The following SPAG6 variants were observed in gnomAD, a reference collection of about 807,000 sequenced individuals.
SPAG6 encodes the protein sperm-associated antigen 6.
SPAG6 carries 49 observed loss-of-function variants against 58.5 expected under a neutral mutation model. The observed-to-expected ratio is 0.84, with a 90% CI of 0.67 to 1.06. The LOEUF (loss-of-function observed/expected upper bound fraction) is 1.06, where lower values mean the gene tolerates loss of function less well. Ranked by LOEUF, SPAG6 falls within the 50% of genes least tolerant of loss-of-function variation. The pLI is 0.00. For missense variants in SPAG6, 560 were observed against 611.3 expected (o/e 0.92, Z 0.89); for synonymous variants, 233 against 225.6 (o/e 1.03, Z -0.29).
intron 4 of SPAG6, among the ~76,000 whole-genome samples, chr10:22,378,378 C>T (rs921705050): frequency 4.7e-5 from 7 of 148,806 alleles, no homozygotes; most frequent in Non-Finnish European, 7.4e-5. Context: ...GTACAGATTT[C>T]TTACATGCAT....
chr10:22,405,906 T>C (rs1486821297), intron 9 of SPAG6, among the ~76,000 whole-genome samples: 1 of 152,226 alleles, frequency 6.6e-6, no homozygotes, highest in African/African-American at 2.4e-5. Context: ...TTCTTCTAGA[T>C]TTTCTAGTTT....
chr10:22,348,129 T>C (rs1265557135), intron 2 of SPAG6, among the ~76,000 whole-genome samples: 2 of 152,156 alleles, frequency 1.3e-5, no homozygotes, highest in African/African-American at 4.8e-5. Flanking sequence ...TAGCTGAGAC[T>C]ACAGGTGTGC....
chr10:22,350,678 T>C (rs189666325), intron 2 of SPAG6, among the ~76,000 whole-genome samples: 37 of 152,350 alleles, frequency 2.4e-4, no homozygotes, highest in African/African-American at 7.5e-4. Flanking sequence ...TTTATGGCTC[T>C]GTTTTGGTGT....
intron 2 of SPAG6, among the ~76,000 whole-genome samples, chr10:22,346,703 T>C (rs1047805520): frequency 6.6e-6 from 1 of 152,140 alleles, no homozygotes; most frequent in African/African-American, 2.4e-5. Flanking sequence ...AATACTTAAG[T>C]GTAATGATTA....
chr10:22,388,057 C>A, intron 6 of SPAG6, 61 bp downstream of exon 6: 1 of 1,387,002 alleles, frequency 7.2e-7, no homozygotes, highest in Non-Finnish European at 9.8e-7. Context: ...TTAAATAAAA[C>A]ATCAATTTGT....
intron 8 of SPAG6, among the ~76,000 whole-genome samples, chr10:22,400,038 C>G (rs1307952179): frequency 1.3e-5 from 2 of 152,136 alleles, no homozygotes; most frequent in African/African-American, 4.8e-5. Flanking sequence ...CCTGGGTCTC[C>G]AGGAAACCTT....
At chr10:22,386,103 G>A (rs1322202053) in intron 4 of SPAG6, among the ~76,000 whole-genome samples, 1 of 152,104 alleles carries the variant, frequency 6.6e-6, no homozygotes, top group African/African-American at 2.4e-5. Context: ...CTTGATTTCT[G>A]ACAAGAGTAA....
At chr10:22,396,336 C>A (rs1834292288) in intron 8 of SPAG6, among the ~76,000 whole-genome samples, 1 of 152,134 alleles carries the variant, frequency 6.6e-6, no homozygotes, top group Admixed American at 6.6e-5. Context: ...ATGGTTTTAT[C>A]AGGGGTTTCC....
intron 4 of SPAG6, among the ~76,000 whole-genome samples, chr10:22,384,961 A>G (rs1834034933): frequency 6.6e-6 from 1 of 152,114 alleles, no homozygotes; most frequent in African/African-American, 2.4e-5. Flanking sequence ...GTAGTTTGCT[A>G]CATATTCTTT....
In SPAG6 at chr10:22,416,693, A is replaced by G; in HGVS notation, c.*5A>G. The G allele has an allele frequency of 2.5e-6, 4 of 1,574,764 alleles. No homozygotes were observed. Among genetic ancestry groups the G allele is most frequent in the Non-Finnish European group, 3.5e-6 (4 of 1,145,116 alleles). On this transcript the variant is annotated 3_prime_UTR_variant, in exon 11 of 11. Transcript: ENST00000376624. Reference sequence around the variant, plus strand: ...TATCAACCACTTAATAACTGAGCAAAGTTATATTGTGATACTCAAATTCAC... The same window carrying G: ...TATCAACCACTTAATAACTGAGCAAGGTTATATTGTGATACTCAAATTCAC...
At chr10:22,397,374 G>C (rs1265743657) in intron 8 of SPAG6, among the ~76,000 whole-genome samples, 1 of 152,158 alleles carries the variant, frequency 6.6e-6, no homozygotes, top group Non-Finnish European at 1.5e-5. Context: ...TTGCAGTGGT[G>C]CAATCTCAGC....
At chr10:22,404,798 C>A (rs1271970329) in intron 9 of SPAG6, among the ~76,000 whole-genome samples, 2 of 151,576 alleles carry the variant, frequency 1.3e-5, no homozygotes, top group East Asian at 3.9e-4. Context: ...TGTTTGTATC[C>A]TCTTTTATTT....
intron 9 of SPAG6, among the ~76,000 whole-genome samples, chr10:22,401,862 G>A (rs1429206378): frequency 1.3e-5 from 2 of 152,190 alleles, no homozygotes; most frequent in Non-Finnish European, 2.9e-5. Flanking sequence ...AATAGCAAAG[G>A]ATAAAAGAGA....
At position 22,345,716 on chromosome 10, in the gene SPAG6, C is replaced by G; in HGVS notation, c.26-7C>G. 1 of 1,609,782 alleles carries G rather than the reference C, an allele frequency of 6.2e-7. No individual in the cohort carries two copies. The highest frequency in any genetic ancestry group is 1.1e-5 in the South Asian group (1 of 90,258). Reference sequence around the variant, plus strand: ...GCGGTGGGCTCCACCGACTCTCTCTCCCGCAGTGTTCGAGCAATACCAGAA... The same window carrying G: ...GCGGTGGGCTCCACCGACTCTCTCTGCCGCAGTGTTCGAGCAATACCAGAA... On this transcript the variant is annotated splice_region_variant and splice_polypyrimidine_tract_variant and intron_variant, in intron 1 of 10. Transcript: ENST00000376624. This position sits in a 1 kb window ranked among gnomAD's most constrained non-coding sequence, Gnocchi z 6.3.
chr10:22,389,962 C>T (rs757311132), intron 7 of SPAG6, among the ~76,000 whole-genome samples: 3 of 152,054 alleles, frequency 2.0e-5, no homozygotes, highest in African/African-American at 4.8e-5. Flanking sequence ...GATCTCTGGA[C>T]GAATGCTTCA....
chr10:22,345,705 C>G lies in SPAG6; in HGVS notation c.26-18C>G. On this transcript the variant is annotated intron_variant, in intron 1 of 10. Coordinates refer to ENST00000376624, the MANE Select transcript of SPAG6 (RefSeq NM_012443.4). The surrounding 1 kb of genome is among the most constrained non-coding windows in gnomAD (Gnocchi z 6.3). ...GAGACCCGGGTGCGGTGGGCTCCAC[C>G]GACTCTCTCTCCCGCAGTGTTCGAG... 3.7e-6 allele frequency: 6 copies of G among 1,605,134 alleles called. No individual in the cohort carries two copies. The highest frequency in any genetic ancestry group is 5.1e-6 in the Non-Finnish European group (6 of 1,176,180).
At chr10:22,366,750 C>T (rs994881289) in intron 3 of SPAG6, among the ~76,000 whole-genome samples, 1 of 152,140 alleles carries the variant, frequency 6.6e-6, no homozygotes, top group Admixed American at 6.5e-5. Flanking sequence ...CTCTTGGACT[C>T]TTAGCTCTTT....
intron 8 of SPAG6, among the ~76,000 whole-genome samples, chr10:22,395,335 T>C (rs1345858803): frequency 1.3e-5 from 2 of 152,212 alleles, no homozygotes; most frequent in African/African-American, 4.8e-5. Context: ...TGTTTTCCAT[T>C]GTACTACCAG....
intron 9 of SPAG6, 87 bp from the exon 10 acceptor site, chr10:22,410,944 A>G (rs1564382530): frequency 4.4e-6 from 6 of 1,366,032 alleles, no homozygotes; most frequent in East Asian, 4.7e-5. Flanking sequence ...TCTCTTTTAC[A>G]TTTTCTCACA....
Sources: gnomAD v4.1 joint callset for allele counts (sites outside exome capture counted in the v4.1 genomes callset) on GRCh38, gnomAD v4.1.1 for gene constraint, Gnocchi (gnomAD v3.1) non-coding constraint, MANE v1.5 for transcripts, NCBI Gene and HGNC (gene_info 2026-07-23, HGNC 2026-07-21) for gene names.